The following ATXN2 variants were observed in gnomAD, a reference collection of about 807,000 sequenced individuals.
The protein encoded by ATXN2 is ataxin-2.
In ATXN2, 37 loss-of-function variants were observed where a neutral mutation model predicts 138.6. That is an observed-to-expected ratio of 0.27 (90% confidence interval 0.21 to 0.35). The LOEUF (loss-of-function observed/expected upper bound fraction) is 0.35, where lower values mean the gene tolerates loss of function less well. Among genes scored for constraint, ATXN2 ranks in the 10% least tolerant of loss-of-function variants. The pLI, the probability that ATXN2 is intolerant of heterozygous loss-of-function variation, is 1.00. For synonymous variants in ATXN2, 549 were observed against 543.7 expected, an observed-to-expected ratio of 1.01 and a Z score of -0.13; for missense variants, 1,216 against 1,480.3, an observed-to-expected ratio of 0.82 and a Z score of 2.93.
chr12:111,581,082 G>A (rs1488595804), intron 1 of ATXN2, among the ~76,000 whole-genome samples: 1 of 145,476 alleles, frequency 6.9e-6, no homozygotes, highest in Non-Finnish European at 1.5e-5. Flanking sequence ...GTTGCAAGGA[G>A]CCAAGATTGC....
chr12:111,513,465 A>G lies in ATXN2; in HGVS notation c.1450T>C (p.Ser484Pro). 1.2e-6 allele frequency: 2 copies of G among 1,614,034 alleles called. No individual in the cohort carries two copies. Among genetic ancestry groups the G allele is most frequent in the Non-Finnish European group, 1.7e-6 (2 of 1,180,012 alleles). ...HRVSAGRGSI[S>P]SGLEFVSHNP... The stretch of plus-strand genomic sequence containing the variant: ...TGGGATACAAATTCTAGGCCACTGG[A>G]TATGGAACCCCTCCCAGCAGAAACT... The change falls in exon 11 of 25, where the codon TCC (serine) becomes CCC (proline). Residue 484 changes from serine (S) to proline (P), a missense_variant. Transcript: ENST00000673436.
In ATXN2 at chr12:111,535,499, G is replaced by A. The variant is rs552945795; in HGVS notation, c.572-10183C>T. 2.0e-5 allele frequency among the ~76,000 whole-genome samples: 3 copies of A among 152,206 alleles called. No individual in the cohort carries two copies. The East Asian group carries it at 5.8e-4, about 30-fold the overall frequency. ...TAGCAGGGCATGGTGGCGCGCGCCT[G>A]TCGTCTCAGCTTCTCGGGAGGCTCA... is the stretch of plus-strand genomic sequence containing the variant. On this transcript the variant is annotated intron_variant, in intron 5 of 24. Coordinates refer to ENST00000673436, the MANE Select transcript of ATXN2 (RefSeq NM_001372574.1).
At chr12:111,504,945 G>A (rs920400307) in intron 14 of ATXN2, among the ~76,000 whole-genome samples, 8 of 152,170 alleles carry the variant, frequency 5.3e-5, no homozygotes, top group East Asian at 1.9e-4. Context: ...AATTCAGGGC[G>A]AGTCCGCAGT....
intron 5 of ATXN2, among the ~76,000 whole-genome samples, chr12:111,526,044 T>C (rs1880477906): frequency 6.6e-6 from 1 of 151,842 alleles, no homozygotes; most frequent in African/African-American, 2.4e-5. Flanking sequence ...GTAATTACTC[T>C]GCATGTCTCA....
At position 111,518,409 on chromosome 12, in the gene ATXN2, A is replaced by T. The variant is rs764904088; in HGVS notation, c.1005T>A (p.Pro335=). Residue 335 remains proline (P), a synonymous_variant, in exon 9 of 25, where the codon CCT becomes CCA. Coordinates refer to ENST00000673436, the MANE Select transcript of ATXN2 (RefSeq NM_001372574.1). ...TGACTTCTCTATTTCTTTGTCCAGG[A>T]GGAATATATTTATTTTCCCTGAAAA... The part of the protein sequence containing the change: ...SINTRENKYI[P]PGQRNREVIS... The T allele has an allele frequency of 2.5e-6, 4 of 1,603,526 alleles. No homozygotes were observed. In the South Asian group the frequency reaches 4.5e-5, roughly 18 times the overall value.
At position 111,509,648 on chromosome 12, in the gene ATXN2, G is replaced by C. The variant is rs181034202; in HGVS notation, c.1865-29C>G. The C allele has an allele frequency of 9.4e-5, 125 of 1,330,200 alleles. No individual in the cohort carries two copies. The East Asian group carries it at 2.8e-3, about 30-fold the overall frequency. 82.4% of individuals were successfully genotyped at this position (1,330,200 alleles called of 1,614,324 possible). On this transcript the variant is annotated intron_variant, in intron 13 of 24. Coordinates refer to ENST00000673436, the MANE Select transcript of ATXN2 (RefSeq NM_001372574.1). ...TAAAATTAAGAACTGTTAAGACACA[G>C]GTTTATTTTTAAACTTTAACATCAC...
chr12:111,545,024 T>G (rs1167110964), intron 5 of ATXN2, among the ~76,000 whole-genome samples: 2 of 151,998 alleles, frequency 1.3e-5, no homozygotes, highest in East Asian at 3.9e-4. Flanking sequence ...CTGGGCGTGG[T>G]GGCAGGTGCC....
Position 111,486,835 on chromosome 12 carries a change from T to C in ATXN2, c.2241-11A>G, listed in dbSNP as rs765589277. 76 of 1,607,864 alleles carry C rather than the reference T, an allele frequency of 4.7e-5. No individual in the cohort carries two copies. Among genetic ancestry groups the C allele is most frequent in the Non-Finnish European group, 6.2e-5 (73 of 1,175,128 alleles). ...GATTTCCTAACTTGCCTAAAAAAAA[T>C]ATAAAGGCCAGTGAAATCTACATGG... On this transcript the variant is annotated splice_polypyrimidine_tract_variant and intron_variant, in intron 15 of 24. Transcript: ENST00000673436.
chr12:111,454,020 G>A (rs1358839757), intron 23 of ATXN2, 175 bp from the exon 24 acceptor site: 3 of 641,758 alleles, frequency 4.7e-6, no homozygotes, highest in African/African-American at 1.8e-5. Context: ...CTGAAGACGC[G>A]CTTCACCTTT....
chr12:111,556,090 C>G (rs1882374476), intron 1 of ATXN2, among the ~76,000 whole-genome samples, 171 bp from the exon 2 acceptor site: 1 of 152,096 alleles, frequency 6.6e-6, no homozygotes, highest in Non-Finnish European at 1.5e-5. Context: ...CTATGCACTG[C>G]TTGCCTGGAG....
chr12:111,507,991 TA>T (rs781164921), intron 14 of ATXN2, among the ~76,000 whole-genome samples: 36 of 152,146 alleles, frequency 2.4e-4, no homozygotes, highest in South Asian at 6.2e-4. Flanking sequence ...CACCACTCCC[TA>T]ATCTCAAGTA....
intron 20 of ATXN2, among the ~76,000 whole-genome samples, chr12:111,468,170 C>G (rs1419307020): frequency 6.6e-6 from 1 of 152,192 alleles, no homozygotes; most frequent in South Asian, 2.1e-4. Context: ...AAAATATATA[C>G]AAGTTGCATA....
intron 5 of ATXN2, among the ~76,000 whole-genome samples, chr12:111,550,791 C>G (rs920941437): frequency 1.3e-5 from 2 of 152,042 alleles, no homozygotes; most frequent in Non-Finnish European, 2.9e-5. Context: ...CTGTTAGCCT[C>G]TGAAAAAGCA....
At chr12:111,485,024 G>C (rs1592819409) in intron 18 of ATXN2, 1 of 378,748 alleles carries the variant, frequency 2.6e-6, no homozygotes, top group African/African-American at 2.0e-5. Flanking sequence ...CATCACACCA[G>C]GCCTCCAATT....
chr12:111,595,468 C>T (rs1284040516), intron 1 of ATXN2, among the ~76,000 whole-genome samples: 1 of 151,284 alleles, frequency 6.6e-6, no homozygotes, highest in African/African-American at 2.4e-5. Context: ...ATGGTGAAAC[C>T]TTGTCTCTAC....
In ATXN2 at chr12:111,599,075, C is replaced by CAGCCGGG. The variant is rs759394411; in HGVS notation, c.-48_-42dup. 18 of 1,387,644 alleles carry CAGCCGGG rather than the reference C, an allele frequency of 1.3e-5. No homozygotes were observed. In the South Asian group the frequency reaches 2.5e-4, roughly 19 times the overall value. The allele number at this position is 1,387,644 out of a possible 1,614,324, so 86.0% of individuals were successfully genotyped here. A position where few individuals can be genotyped will look rare whatever the true frequency, so the allele number is the denominator to read the frequency against. The stretch of plus-strand genomic sequence containing the variant: ...CACCGGCTCGCACGCCGGGCGGGGA[C>CAGCCGGG]AGCCGGGAGCCGGGCGCGCCAAGGA... On this transcript the variant is annotated 5_prime_UTR_variant, in exon 1 of 25. Transcript: ENST00000673436.
chr12:111,598,649 C>T lies in ATXN2; in HGVS notation c.251+135G>A, dbSNP rs1885064367. 4.4e-6 allele frequency: 4 copies of T among 900,474 alleles called. No homozygotes were observed. The highest frequency in any genetic ancestry group is 4.0e-6 in the Non-Finnish European group (3 of 749,152). 55.8% of individuals were successfully genotyped at this position (900,474 alleles called of 1,614,324 possible). A position where few individuals can be genotyped will look rare whatever the true frequency, so the allele number is the denominator to read the frequency against. ...CCGAGCCTCGGGGCTCAGGCCCGAG[C>T]GAGTCTCCCCCGCGCTGCCGGCCCC... On this transcript the variant is annotated intron_variant, in intron 1 of 24. Transcript: ENST00000673436. This position sits in a 1 kb window ranked among gnomAD's most constrained non-coding sequence, Gnocchi z 4.5.
At chr12:111,592,795 A>AAAAAAAAAAAAAAAAAAAAAAAAAAAAAT (rs1884740076) in intron 1 of ATXN2, among the ~76,000 whole-genome samples, 1 of 147,444 alleles carries the variant, frequency 6.8e-6, no homozygotes. Flanking sequence ...AAAAAAAAAA[A>AAAAAAAAAAAAAAAAAAAAAAAAAAAAAT]AAAAAAAAAG....
In ATXN2 at chr12:111,483,194, TACACACAC is replaced by T. The variant is rs59840296; in HGVS notation, c.2524+2063_2524+2070del. On this transcript the variant is annotated intron_variant, in intron 18 of 24. Coordinates refer to ENST00000673436, the MANE Select transcript of ATXN2 (RefSeq NM_001372574.1). ...AAAGCAAGACCCTGTATCAAACACA[TACACACAC>T]ACACACACACACACACACACACACA... is the stretch of plus-strand genomic sequence containing the variant. Among the ~76,000 whole-genome samples, 41 of 95,426 alleles carry T rather than the reference TACACACAC, an allele frequency of 4.3e-4. 1 individual carries two copies. Among genetic ancestry groups the T allele is most frequent in the East Asian group, 3.6e-3 (7 of 1,932 alleles). The allele number at this position is 95,426 out of a possible 152,430, so 62.6% of individuals were successfully genotyped here. A position where few individuals can be genotyped will look rare whatever the true frequency, so the allele number is the denominator to read the frequency against.
Sources: allele counts gnomAD v4.1 joint callset (sites outside exome capture counted in the v4.1 genomes callset), GRCh38; gene constraint gnomAD v4.1.1; non-coding constraint Gnocchi (gnomAD v3.1); transcripts MANE v1.5; gene names NCBI Gene and HGNC (gene_info 2026-07-23, HGNC 2026-07-21).